The following AGMO variants were observed in gnomAD, a reference collection of about 807,000 sequenced individuals.
AGMO encodes glyceryl-ether monooxygenase.
A neutral mutation model predicts 60.2 loss-of-function variants in AGMO; 75 were observed. The observed-to-expected ratio is 1.25, with a 90% CI of 1.03 to 1.51. The LOEUF (loss-of-function observed/expected upper bound fraction) is 1.51, where lower values mean the gene tolerates loss of function less well. AGMO is among the 40% of genes most tolerant of loss of function. The pLI is 0.00. For synonymous variants in AGMO, 261 were observed against 177.1 expected (o/e 1.47, Z -3.76); for missense variants, 763 against 525.5 (o/e 1.45, Z -4.42).
chr7:15,354,641 A>T (rs1332370901), intron 12 of AGMO, among the ~76,000 whole-genome samples: 1 of 146,764 alleles, frequency 6.8e-6, no homozygotes, highest in South Asian at 2.2e-4. Context: ...AAAAATATTC[A>T]TAAGGGTGGT....
intron 10 of AGMO, among the ~76,000 whole-genome samples, chr7:15,380,795 C>T (rs1783651336): frequency 6.6e-6 from 1 of 152,112 alleles, no homozygotes; most frequent in South Asian, 2.1e-4. Flanking sequence ...TACAGGTCTA[C>T]AGTAACCAAA....
chr7:15,271,791 T>C lies in AGMO; in HGVS notation c.1264-70432A>G, dbSNP rs1338452146. On this transcript the variant is annotated intron_variant, in intron 12 of 12. Coordinates refer to ENST00000342526, the MANE Select transcript of AGMO (RefSeq NM_001004320.2). ...TACATTTTCCCCATTCAGTGTGATG[T>C]TGGCTGTGGATATGTCATATATGGC... 5.3e-5 allele frequency among the ~76,000 whole-genome samples: 8 copies of C among 152,154 alleles called. 1 individual carries two copies. The highest frequency in any genetic ancestry group is 1.9e-4 in the African/African-American group (8 of 41,440).
rs567725693 is a variant in AGMO at position 15,485,156 on chromosome 7, A to G, written c.410-54048T>C. On this transcript the variant is annotated intron_variant, in intron 3 of 12. Transcript: ENST00000342526. ...TACTAAAAATACAAAAAAAAAAAAA[A>G]AAAAGAAAAACATTAGCAGGGCGTG... 2.7e-4 allele frequency among the ~76,000 whole-genome samples: 40 copies of G among 150,770 alleles called. No homozygotes were observed. The East Asian group carries it at 6.8e-3, about 26-fold the overall frequency.
Position 15,431,098 on chromosome 7 carries a change from A to G in AGMO, c.420T>C (p.Ile140=), listed in dbSNP as rs1192133600. Residue 140 remains isoleucine (I), a synonymous_variant, in exon 4 of 13, where the codon ATT becomes ATC. Coordinates refer to ENST00000342526, the MANE Select transcript of AGMO (RefSeq NM_001004320.2). ...GATGTGTTTGGTGTCCGGCCCACAT[A>G]ATATTAACTTCTGCAAAACACATAA... is the stretch of plus-strand genomic sequence containing the variant. ...WFHRMAHEVN[I]MWAGHQTHHS... The G allele has an allele frequency of 6.2e-7, 1 of 1,610,132 alleles. No homozygotes were observed. Among genetic ancestry groups the G allele is most frequent in the Non-Finnish European group, 8.5e-7 (1 of 1,177,246 alleles).
downstream of AGMO, among the ~76,000 whole-genome samples, chr7:15,197,362 A>G (rs1781146854): frequency 6.6e-6 from 1 of 152,176 alleles, no homozygotes; most frequent in Admixed American, 6.6e-5. Context: ...AAATTATATA[A>G]TCACTAGTAA....
the AGMO span, among the ~76,000 whole-genome samples, chr7:15,181,412 T>C: frequency 6.6e-6 from 1 of 152,172 alleles, no homozygotes; most frequent in Non-Finnish European, 1.5e-5. Flanking sequence ...TCTACTCTCA[T>C]TCTTCACTGG....
chr7:15,448,201 G>T (rs983780672), intron 3 of AGMO, among the ~76,000 whole-genome samples: 3 of 152,172 alleles, frequency 2.0e-5, no homozygotes, highest in African/African-American at 7.2e-5. Context: ...TACCCGAGAG[G>T]TGATCGTATT....
the AGMO span, among the ~76,000 whole-genome samples, chr7:15,174,851 A>G: frequency 6.8e-3 from 1,039 of 152,128 alleles, 17 homozygotes; most frequent in African/African-American, 0.023. Flanking sequence ...TTCTTTATGT[A>G]TCATCAATCC....
chr7:15,451,190 A>T (rs1781846732), intron 3 of AGMO, among the ~76,000 whole-genome samples: 1 of 152,202 alleles, frequency 6.6e-6, no homozygotes, highest in African/African-American at 2.4e-5. Context: ...AGAGAGGTAT[A>T]TAGATACATA....
intron 3 of AGMO, among the ~76,000 whole-genome samples, chr7:15,451,449 T>C (rs866051797): frequency 6.6e-6 from 1 of 152,120 alleles, no homozygotes; most frequent in East Asian, 1.9e-4. Flanking sequence ...TGGAAATGTA[T>C]TGCTCACAGC....
chr7:15,263,908 CAG>C (rs1329331477), intron 12 of AGMO, among the ~76,000 whole-genome samples: 2 of 151,926 alleles, frequency 1.3e-5, no homozygotes, highest in South Asian at 2.1e-4. Flanking sequence ...TTTGAAGACT[CAG>C]GGGAATAGGT....
chr7:15,468,950 C>T lies in AGMO; in HGVS notation c.410-37842G>A, dbSNP rs73679608. On this transcript the variant is annotated intron_variant, in intron 3 of 12. Transcript: ENST00000342526. Reference sequence around the variant, plus strand: ...ATCAATAAAAATATAGCAATTAAAACACAGTAAATTAAGAATTCTATTTAA... The same window carrying T: ...ATCAATAAAAATATAGCAATTAAAATACAGTAAATTAAGAATTCTATTTAA... 8.6e-3 allele frequency among the ~76,000 whole-genome samples: 1,308 copies of T among 152,132 alleles called. 19 individuals carry two copies. The highest frequency in any genetic ancestry group is 0.03 in the African/African-American group (1,226 of 41,506).
At chr7:15,241,064 T>A (rs562620054) in intron 12 of AGMO, among the ~76,000 whole-genome samples, 2 of 152,250 alleles carry the variant, frequency 1.3e-5, no homozygotes, top group East Asian at 1.9e-4. Context: ...GAAGAAATCA[T>A]CAATATCAGG....
chr7:15,343,977 AAACT>A (rs1356350886), intron 12 of AGMO, among the ~76,000 whole-genome samples: 1 of 152,116 alleles, frequency 6.6e-6, no homozygotes, highest in Non-Finnish European at 1.5e-5. Context: ...ACTATCCATA[AAACT>A]AACTGGAAGA....
intron 12 of AGMO, among the ~76,000 whole-genome samples, chr7:15,349,104 T>C (rs1417269183): frequency 6.6e-6 from 1 of 152,104 alleles, no homozygotes; most frequent in Non-Finnish European, 1.5e-5. Flanking sequence ...TTGGAGGCCT[T>C]TACTAGAGGC....
chr7:15,141,140 G>A, the AGMO span, among the ~76,000 whole-genome samples: 1 of 152,154 alleles, frequency 6.6e-6, no homozygotes, highest in South Asian at 2.1e-4. Context: ...TCCTAGTCCT[G>A]ATGGATTTGA....
chr7:15,324,712 G>C (rs1781283342), intron 12 of AGMO, among the ~76,000 whole-genome samples: 1 of 152,162 alleles, frequency 6.6e-6, no homozygotes, highest in African/African-American at 2.4e-5. Context: ...GGAAGAAACT[G>C]TTCCACCTCA....
chr7:15,199,371 A>C (rs180830280), downstream of AGMO, among the ~76,000 whole-genome samples: 4 of 152,312 alleles, frequency 2.6e-5, no homozygotes, highest in African/African-American at 9.6e-5. Flanking sequence ...CTTCACCACA[A>C]AAGGATCTTT....
At chr7:15,128,065 A>G in the AGMO span, among the ~76,000 whole-genome samples, 2 of 151,904 alleles carry the variant, frequency 1.3e-5, no homozygotes, top group Admixed American at 6.6e-5. Context: ...TTTTGTGTTT[A>G]TTTCCTCCTC....
Sources: allele counts gnomAD v4.1 joint callset (sites outside exome capture counted in the v4.1 genomes callset), GRCh38; gene constraint gnomAD v4.1.1; transcripts MANE v1.5; gene names NCBI Gene and HGNC (gene_info 2026-07-23, HGNC 2026-07-21).